GOSR1: variants seen among roughly 807,000 people sequenced by gnomAD.
The protein encoded by GOSR1 is golgi SNAP receptor complex member 1, also known as 28 kDa Golgi SNARE protein.
Under a neutral mutation model 35.5 loss-of-function variants are expected in GOSR1, and 21 were observed. That is an observed-to-expected ratio of 0.59 (90% CI 0.42 to 0.85). The LOEUF (loss-of-function observed/expected upper bound fraction) is 0.85. Ranked by LOEUF, GOSR1 falls within the 40% of genes least tolerant of loss-of-function variation. The pLI is 0.00. For missense variants in GOSR1, 285 were observed against 309.6 expected (o/e 0.92, Z 0.60); for synonymous variants, 94 against 106.6 (o/e 0.88, Z 0.73).
intron 2 of GOSR1, among the ~76,000 whole-genome samples, chr17:30,481,494 A>C (rs917265672): frequency 5.9e-5 from 9 of 152,220 alleles, no homozygotes; most frequent in Non-Finnish European, 4.4e-5. Context: ...GAAACCTGCT[A>C]GAACTTCAGA....
chr17:30,497,782 G>C (rs942348276), intron 6 of GOSR1, among the ~76,000 whole-genome samples: 1 of 152,350 alleles, frequency 6.6e-6, no homozygotes, highest in East Asian at 1.9e-4. Context: ...TGTATGGCCA[G>C]ATGCAGTGGC....
chr17:30,490,414 C>G (rs1263232420), intron 5 of GOSR1, 197 bp downstream of exon 5: 2 of 430,416 alleles, frequency 4.6e-6, no homozygotes, highest in African/African-American at 2.0e-5. Context: ...CATGCTTCCT[C>G]TTACTTTATC....
intron 7 of GOSR1, among the ~76,000 whole-genome samples, chr17:30,511,434 A>G (rs1395659798): frequency 6.6e-6 from 1 of 152,238 alleles, no homozygotes; most frequent in East Asian, 1.9e-4. Context: ...GTAAAAAAGT[A>G]CATTAACTAG....
In GOSR1 at chr17:30,492,767, G is replaced by A; in HGVS notation, c.509+14G>A. ...CCACCTTCGAAAGTAGGTATTGAAT[G>A]TATGTGCATTATGTGGTTTTCCACG... On this transcript the variant is annotated intron_variant, in intron 6 of 8. Transcript: ENST00000451249. 6.9e-7 allele frequency: 1 copy of A among 1,455,478 alleles called. No homozygotes were observed. Among genetic ancestry groups the A allele is most frequent in the Non-Finnish European group, 9.6e-7 (1 of 1,037,036 alleles). 90.2% of individuals were successfully genotyped at this position (1,455,478 alleles called of 1,614,324 possible). A position where few individuals can be genotyped will look rare whatever the true frequency, so the allele number is the denominator to read the frequency against.
intron 4 of GOSR1, among the ~76,000 whole-genome samples, chr17:30,485,444 G>T (rs1239326247): frequency 1.3e-5 from 2 of 152,028 alleles, no homozygotes; most frequent in African/African-American, 4.8e-5. Context: ...TTTTTTAAAA[G>T]CTTTTGCAGA....
At chr17:30,495,437 G>A (rs1297764509) in intron 6 of GOSR1, 1 of 455,794 alleles carries the variant, frequency 2.2e-6, no homozygotes, top group African/African-American at 2.0e-5. Context: ...GGTTTTCAGT[G>A]GTGAAGATAA....
chr17:30,486,763 A>G (rs1015248943), intron 4 of GOSR1, among the ~76,000 whole-genome samples: 2 of 152,214 alleles, frequency 1.3e-5, no homozygotes, highest in African/African-American at 4.8e-5. Context: ...AAGCATTTAT[A>G]TATGAATTAA....
chr17:30,477,421 T>C lies in GOSR1; in HGVS notation c.-13T>C, dbSNP rs776561472. On this transcript the variant is annotated 5_prime_UTR_variant, in exon 1 of 9. Transcript: ENST00000451249. ...CTCTGCTCCCCTATCCCGGCTGACGTTGGACGACAAAGATGGCGGCAGGGA... is the reference window on the plus strand; with the variant it reads ...CTCTGCTCCCCTATCCCGGCTGACGCTGGACGACAAAGATGGCGGCAGGGA... 3.1e-6 allele frequency: 5 copies of C among 1,609,264 alleles called. No individual in the cohort carries two copies. The highest frequency in any genetic ancestry group is 1.3e-5 in the African/African-American group (1 of 74,844).
At chr17:30,521,643 A>G (rs1968039301) in intron 8 of GOSR1, among the ~76,000 whole-genome samples, 1 of 151,962 alleles carries the variant, frequency 6.6e-6, no homozygotes, top group African/African-American at 2.4e-5. Flanking sequence ...AGTTTAGTCC[A>G]CTTTCCTCCT....
intron 6 of GOSR1, among the ~76,000 whole-genome samples, chr17:30,500,104 G>A (rs982651657): frequency 6.6e-6 from 1 of 152,150 alleles, no homozygotes; most frequent in African/African-American, 2.4e-5. Context: ...GGTTTTGCAA[G>A]TATTTTCTCT....
rs760033191 is a variant in GOSR1 at position 30,481,223 on chromosome 17, A to C, written c.112A>C (p.Ser38Arg). 1.9e-6 allele frequency: 3 copies of C among 1,605,090 alleles called. No individual in the cohort carries two copies. Among genetic ancestry groups the C allele is most frequent in the Non-Finnish European group, 2.6e-6 (3 of 1,171,770 alleles). Residue 38 changes from serine to arginine, a missense_variant, in exon 2 of 9, where the codon AGT (serine) becomes CGT (arginine). Transcript: ENST00000451249. ...VSFSKLCTSY[S>R]HSSTRDGRRD... ...CTTCAGCAAACTATGTACAAGTTAC[A>C]GTCATAGCAGTACCCGAGATGGAAG...
At chr17:30,511,644 C>T (rs1967617389) in intron 7 of GOSR1, among the ~76,000 whole-genome samples, 1 of 151,954 alleles carries the variant, frequency 6.6e-6, no homozygotes, top group African/African-American at 2.4e-5. Flanking sequence ...ATTCTCCTGC[C>T]TCAGGCTCCT....
At chr17:30,507,760 T>C (rs1171581758) in intron 6 of GOSR1, among the ~76,000 whole-genome samples, 1 of 150,426 alleles carries the variant, frequency 6.6e-6, no homozygotes, top group South Asian at 2.1e-4. Flanking sequence ...AAGCGGAGCC[T>C]GAAGATGTGA....
intron 5 of GOSR1, 55 bp from the exon 6 acceptor site, chr17:30,492,624 A>G: frequency 3.0e-6 from 3 of 1,006,130 alleles, no homozygotes; most frequent in East Asian, 2.4e-5. Flanking sequence ...GGGTCAGTCA[A>G]TCTGATTTTG....
rs758526233 is a variant in GOSR1 at position 30,527,452 on chromosome 17, G to A, written c.*5074G>A. 3.3e-5 allele frequency: 5 copies of A among 152,174 alleles called. No homozygotes were observed. Among genetic ancestry groups the A allele is most frequent in the Non-Finnish European group, 5.9e-5 (4 of 68,042 alleles). 9.4% of individuals were successfully genotyped at this position (152,174 alleles called of 1,614,324 possible). Reference sequence around the variant, plus strand: ...ATTTTAGAGCTTTGCAATTAATCCAGCCAGTGATCAATTCCTCTTCTATAA... The same window carrying A: ...ATTTTAGAGCTTTGCAATTAATCCAACCAGTGATCAATTCCTCTTCTATAA... On this transcript the variant is annotated 3_prime_UTR_variant, in exon 9 of 9. Coordinates refer to ENST00000451249, the MANE Select transcript of GOSR1 (RefSeq NM_001007025.2).
At chr17:30,499,587 C>G (rs1055471198) in intron 6 of GOSR1, among the ~76,000 whole-genome samples, 17 of 152,192 alleles carry the variant, frequency 1.1e-4, no homozygotes, top group African/African-American at 3.6e-4. Context: ...GTGATCCACC[C>G]GCCTTGGCCT....
intron 4 of GOSR1, among the ~76,000 whole-genome samples, chr17:30,488,944 A>G (rs900560147): frequency 6.6e-6 from 1 of 152,238 alleles, no homozygotes; most frequent in African/African-American, 2.4e-5. Flanking sequence ...GCAGCTATTA[A>G]AAAGAATGAT....
chr17:30,496,559 TC>T (rs968061647), intron 6 of GOSR1, among the ~76,000 whole-genome samples: 1 of 152,216 alleles, frequency 6.6e-6, no homozygotes, highest in African/African-American at 2.4e-5. Context: ...AACACAGTGT[TC>T]CAGGCAGAAA....
At chr17:30,495,619 A>C (rs1966966452) in intron 6 of GOSR1, 1 of 325,444 alleles carries the variant, frequency 3.1e-6, no homozygotes, top group African/African-American at 2.2e-5. Context: ...TCTCACTGTC[A>C]GCCAACACAT....
Sources: allele counts gnomAD v4.1 joint callset (sites outside exome capture counted in the v4.1 genomes callset), GRCh38; gene constraint gnomAD v4.1.1; transcripts MANE v1.5; gene names NCBI Gene and HGNC (gene_info 2026-07-23, HGNC 2026-07-21).